Variants in SORCS1 observed in about 807,000 individuals in gnomAD.
SORCS1 encodes the protein VPS10 domain-containing receptor SorCS1.
SORCS1 carries 60 observed loss-of-function variants against 146.1 expected under a neutral mutation model. The observed-to-expected ratio is 0.41, with a 90% CI of 0.33 to 0.51. The LOEUF is 0.51. Among genes scored for constraint, SORCS1 ranks in the 20% least tolerant of loss-of-function variants. The pLI is 0.21. For missense variants in SORCS1, 1,352 were observed against 1,487.6 expected (o/e 0.91, Z 1.50); for synonymous variants, 637 against 584.0 (o/e 1.09, Z -1.31).
chr10:106,742,311 G>A (rs1264813381), intron 5 of SORCS1, among the ~76,000 whole-genome samples: 2 of 152,180 alleles, frequency 1.3e-5, no homozygotes, highest in African/African-American at 2.4e-5. Context: ...CTTAGGGATG[G>A]AACGCAAGTC....
chr10:106,667,996 A>C (rs1851301350), intron 16 of SORCS1, among the ~76,000 whole-genome samples, 194 bp from the exon 17 acceptor site: 1 of 152,168 alleles, frequency 6.6e-6, no homozygotes, highest in African/African-American at 2.4e-5. Context: ...TAGAATATCT[A>C]TCAATTAATT....
intron 3 of SORCS1, among the ~76,000 whole-genome samples, chr10:106,814,914 C>CA (rs779366731): frequency 0.56 from 36,928 of 66,026 alleles, 11,332 homozygotes; most frequent in Middle Eastern, 0.68. Context: ...GACTCCATCT[C>CA]AAAAAAAAAA....
At chr10:107,080,335 T>C (rs1963235560) in intron 1 of SORCS1, among the ~76,000 whole-genome samples, 2 of 152,276 alleles carry the variant, frequency 1.3e-5, no homozygotes, top group South Asian at 4.2e-4. Context: ...CTGCAACCTA[T>C]AGGCAACTAG....
At chr10:106,962,694 A>C (rs1251759650) in intron 1 of SORCS1, among the ~76,000 whole-genome samples, 2 of 152,188 alleles carry the variant, frequency 1.3e-5, no homozygotes, top group East Asian at 3.9e-4. Flanking sequence ...CTAGTGATTC[A>C]GGGATGGCAT....
intron 2 of SORCS1, among the ~76,000 whole-genome samples, chr10:106,850,657 C>A (rs903232723): frequency 6.6e-6 from 1 of 152,180 alleles, no homozygotes; most frequent in African/African-American, 2.4e-5. Flanking sequence ...CCAAGACACC[C>A]AAGAGCCTCT....
At chr10:106,594,680 G>T (rs1347885285) in intron 24 of SORCS1, among the ~76,000 whole-genome samples, 1 of 152,174 alleles carries the variant, frequency 6.6e-6, no homozygotes, top group East Asian at 1.9e-4. Context: ...ACTAAAAAAG[G>T]CACTGTGTTC....
chr10:106,594,116 G>A (rs1172749570), intron 24 of SORCS1, among the ~76,000 whole-genome samples: 1 of 152,180 alleles, frequency 6.6e-6, no homozygotes, highest in Non-Finnish European at 1.5e-5. Flanking sequence ...GCTGTATTCA[G>A]TTTCTCTGGC....
At chr10:106,950,740 C>A (rs1204617915) in intron 2 of SORCS1, among the ~76,000 whole-genome samples, 1 of 152,078 alleles carries the variant, frequency 6.6e-6, no homozygotes, top group Non-Finnish European at 1.5e-5. Flanking sequence ...GACAGATAAG[C>A]AATGAACGTA....
intron 1 of SORCS1, among the ~76,000 whole-genome samples, chr10:106,978,117 G>GT (rs1288473226): frequency 6.6e-6 from 1 of 152,118 alleles, no homozygotes; most frequent in Non-Finnish European, 1.5e-5. Flanking sequence ...CTGTTGTTTT[G>GT]TATTTTTAGT....
chr10:106,913,038 G>A (rs1346092319), intron 2 of SORCS1, among the ~76,000 whole-genome samples: 1 of 151,226 alleles, frequency 6.6e-6, no homozygotes, highest in Non-Finnish European at 1.5e-5. Flanking sequence ...GCCAGATCGT[G>A]AGCCTGTGTG....
chr10:106,661,074 T>C (rs1272229997), intron 17 of SORCS1, among the ~76,000 whole-genome samples: 1 of 152,212 alleles, frequency 6.6e-6, no homozygotes, highest in African/African-American at 2.4e-5. Context: ...AATTTTGCAG[T>C]ATGCTCCCCG....
intron 1 of SORCS1, among the ~76,000 whole-genome samples, chr10:107,079,803 T>C (rs1008942556): frequency 9.2e-5 from 14 of 152,180 alleles, no homozygotes; most frequent in Non-Finnish European, 1.8e-4. Flanking sequence ...AAAGGAGAAC[T>C]CCAAGCTAAC....
intron 4 of SORCS1, among the ~76,000 whole-genome samples, chr10:106,772,224 T>C (rs1860072681): frequency 6.6e-6 from 1 of 152,170 alleles, no homozygotes; most frequent in Non-Finnish European, 1.5e-5. Context: ...CTTTTTGAGC[T>C]GGGATATCCA....
At chr10:106,696,017 G>A (rs530975197) in intron 9 of SORCS1, among the ~76,000 whole-genome samples, 55 of 152,184 alleles carry the variant, frequency 3.6e-4, no homozygotes, top group Non-Finnish European at 6.3e-4. Context: ...AGAAAGACCC[G>A]TCAGCAATGC....
chr10:106,837,603 T>A (rs1268514220), intron 2 of SORCS1, among the ~76,000 whole-genome samples: 1 of 150,038 alleles, frequency 6.7e-6, no homozygotes, highest in Non-Finnish European at 1.5e-5. Flanking sequence ...TAGTAGGCGG[T>A]CAGTGCCCTG....
intron 17 of SORCS1, among the ~76,000 whole-genome samples, chr10:106,666,459 C>A (rs1450195768): frequency 2.6e-5 from 4 of 152,142 alleles, no homozygotes; most frequent in African/African-American, 4.8e-5. Context: ...ACTGTCAGCT[C>A]TCCTGGGTCT....
chr10:107,149,916 C>G (rs1285749364), intron 1 of SORCS1, among the ~76,000 whole-genome samples: 2 of 152,170 alleles, frequency 1.3e-5, no homozygotes, highest in African/African-American at 2.4e-5. Context: ...TTTCTCCTAC[C>G]CCGCCCTATT....
At chr10:106,775,294 A>G (rs1860345785) in intron 4 of SORCS1, among the ~76,000 whole-genome samples, 2 of 152,188 alleles carry the variant, frequency 1.3e-5, no homozygotes, top group Admixed American at 6.5e-5. Flanking sequence ...ACCATCCTGG[A>G]CCAGATGCAC....
At chr10:106,782,777 G>T (rs983731959) in intron 3 of SORCS1, among the ~76,000 whole-genome samples, 1 of 152,190 alleles carries the variant, frequency 6.6e-6, no homozygotes, top group Non-Finnish European at 1.5e-5. Context: ...GAATGGCACT[G>T]AACTTCTATA....
Sources: gnomAD v4.1 joint callset for allele counts (sites outside exome capture counted in the v4.1 genomes callset) on GRCh38, gnomAD v4.1.1 for gene constraint, MANE v1.5 for transcripts, NCBI Gene and HGNC (gene_info 2026-07-23, HGNC 2026-07-21) for gene names.